USP28: variants seen among roughly 807,000 people sequenced by gnomAD.
The protein encoded by USP28 is ubiquitin carboxyl-terminal hydrolase 28.
Under a neutral mutation model 145.0 loss-of-function variants are expected in USP28, and 113 were observed. That is an observed-to-expected ratio of 0.78 (90% CI 0.67 to 0.91). The LOEUF is 0.91. Ranked by LOEUF, USP28 falls within the 40% of genes least tolerant of loss-of-function variation. The pLI is 0.00. For missense variants in USP28, 1,201 were observed against 1,289.6 expected (o/e 0.93, Z 1.05); for synonymous variants, 447 against 450.9 (o/e 0.99, Z 0.11).
At chr11:113,808,091 G>A (rs1940327662) in intron 18 of USP28, 1 of 1,456,162 alleles carries the variant, frequency 6.9e-7, no homozygotes, top group African/African-American at 1.4e-5. Flanking sequence ...TGCTCTGCAA[G>A]GTTTGTTTCC....
At chr11:113,847,317 T>C (rs1186113730) in intron 3 of USP28, among the ~76,000 whole-genome samples, 4 of 151,922 alleles carry the variant, frequency 2.6e-5, no homozygotes, top group African/African-American at 9.7e-5. Context: ...TCTACATTTA[T>C]AGGAAAGACA....
At chr11:113,837,386 G>A (rs1944689069) in intron 5 of USP28, among the ~76,000 whole-genome samples, 2 of 152,268 alleles carry the variant, frequency 1.3e-5, no homozygotes, top group South Asian at 4.2e-4. Flanking sequence ...CATCTCTAGT[G>A]ACACATTCCT....
At chr11:113,827,049 AG>A (rs1943454458) in intron 11 of USP28, among the ~76,000 whole-genome samples, 183 bp downstream of exon 11, 2 of 152,134 alleles carry the variant, frequency 1.3e-5, no homozygotes, top group Admixed American at 6.6e-5. Flanking sequence ...GGAGATCAGA[AG>A]CAACATGAGC....
chr11:113,875,422 C>T, intron 1 of USP28, 23 bp downstream of exon 1: 1 of 1,238,166 alleles, frequency 8.1e-7, no homozygotes, highest in South Asian at 2.4e-5. Context: ...CCCCCAGCTC[C>T]CGCTCGCCGC....
intron 1 of USP28, 78 bp downstream of exon 1, chr11:113,875,367 G>A (rs1949273565): frequency 4.5e-6 from 5 of 1,106,010 alleles, no homozygotes; most frequent in African/African-American, 3.4e-5. Context: ...CCCGCAACCC[G>A]CAGCCCTGCA....
intron 11 of USP28, among the ~76,000 whole-genome samples, chr11:113,825,560 G>C (rs1327207386): frequency 6.6e-6 from 1 of 152,214 alleles, no homozygotes; most frequent in African/African-American, 2.4e-5. Flanking sequence ...GTTCATGGCA[G>C]CTTCATTCAT....
chr11:113,805,922 C>T (rs1036445042), intron 19 of USP28, among the ~76,000 whole-genome samples: 7 of 152,116 alleles, frequency 4.6e-5, no homozygotes, highest in Non-Finnish European at 8.8e-5. Flanking sequence ...TTTCACTTCA[C>T]AGAAGACTTT....
intron 23 of USP28, among the ~76,000 whole-genome samples, chr11:113,802,417 G>C (rs1282067968): frequency 6.6e-6 from 1 of 152,232 alleles, no homozygotes; most frequent in Non-Finnish European, 1.5e-5. Context: ...ACAAGGTAAA[G>C]GCAGTGGTAG....
chr11:113,800,892 G>A (rs1365295586), intron 24 of USP28, among the ~76,000 whole-genome samples: 1 of 150,632 alleles, frequency 6.6e-6, no homozygotes, highest in South Asian at 2.1e-4. Flanking sequence ...GCCCAGGCTG[G>A]ATTGCACTGG....
At position 113,841,777 on chromosome 11, in the gene USP28, T is replaced by C. The variant is rs764480056; in HGVS notation, c.269-9A>G. ...AGTAAGGTCTATAACTTCTGTAAGA[T>C]AAACAGAAATTTAATTAGTCTATAT... is the stretch of plus-strand genomic sequence containing the variant. On this transcript the variant is annotated splice_polypyrimidine_tract_variant and intron_variant, in intron 3 of 24. Transcript: ENST00000003302. 2 of 1,586,428 alleles carry C rather than the reference T, an allele frequency of 1.3e-6. No homozygotes were observed. The highest frequency in any genetic ancestry group is 1.4e-5 in the African/African-American group (1 of 72,604).
chr11:113,814,093 A>T, intron 14 of USP28, 138 bp from the exon 15 acceptor site: 1 of 605,556 alleles, frequency 1.7e-6, no homozygotes, highest in South Asian at 2.3e-5. Flanking sequence ...AGCAATATAC[A>T]GTTTTAAAGC....
intron 1 of USP28, chr11:113,874,403 C>A (rs1348372436): frequency 7.1e-6 from 7 of 986,050 alleles, no homozygotes; most frequent in South Asian, 3.4e-5. Context: ...CCAGCCTAGG[C>A]AACAGAGGGA....
In USP28 at chr11:113,852,496, C is replaced by T; in HGVS notation, c.268+5G>A. The T allele has an allele frequency of 1.2e-6, 2 of 1,612,366 alleles. No individual in the cohort carries two copies. Among genetic ancestry groups the T allele is most frequent in the Non-Finnish European group, 1.7e-6 (2 of 1,179,988 alleles). On this transcript the variant is annotated splice_donor_5th_base_variant and intron_variant, in intron 3 of 24. Coordinates refer to ENST00000003302, the Ensembl canonical transcript of USP28. ...AAGGACCAAGACAGGATATATGGTACCTACTTGCTAATACTTCCTTGTTGG... is the reference window on the plus strand; with the variant it reads ...AAGGACCAAGACAGGATATATGGTATCTACTTGCTAATACTTCCTTGTTGG...
chr11:113,825,286 T>C (rs1943162852), intron 11 of USP28, among the ~76,000 whole-genome samples: 1 of 151,934 alleles, frequency 6.6e-6, no homozygotes, highest in South Asian at 2.1e-4. Context: ...GAAATATAAA[T>C]CAAAGGAAAA....
intron 12 of USP28, chr11:113,822,311 T>A (rs907605799): frequency 1.3e-5 from 2 of 152,292 alleles, no homozygotes; most frequent in Admixed American, 1.3e-4. Context: ...TAGCCGGGCA[T>A]GGTGGCACAT....
chr11:113,808,292 T>G lies in USP28; in HGVS notation c.2304+6A>C, dbSNP rs369551837. 1 of 1,609,258 alleles carries G rather than the reference T, an allele frequency of 6.2e-7. No individual in the cohort carries two copies. The highest frequency in any genetic ancestry group is 1.1e-5 in the South Asian group (1 of 91,018). On this transcript the variant is annotated splice_donor_region_variant and intron_variant, in intron 18 of 24. Transcript: ENST00000003302. ...TCCTGAACTTGGGCTTCCCAGTCAT[T>G]CTCACCTCACTCAGTGCCGCTTCTA...
intron 16 of USP28, among the ~76,000 whole-genome samples, chr11:113,809,920 A>G (rs556407425): frequency 8.6e-5 from 13 of 151,968 alleles, no homozygotes; most frequent in Non-Finnish European, 1.5e-4. Context: ...CTGTAATCCC[A>G]GCTACTTAGA....
intron 13 of USP28, among the ~76,000 whole-genome samples, chr11:113,816,998 A>G (rs918601027): frequency 6.6e-6 from 1 of 152,140 alleles, no homozygotes; most frequent in Non-Finnish European, 1.5e-5. Flanking sequence ...TGTTGGGGAG[A>G]ATAGTTAAGA....
At chr11:113,798,066 G>T (rs920711032) in exon 25 of USP28, 56 of 91,264 alleles carry the variant, frequency 6.1e-4, no homozygotes, top group African/African-American at 2.3e-3. Flanking sequence ...ATGTATGCTG[G>T]TTTTTTTTTT....
Sources: allele counts gnomAD v4.1 joint callset (sites outside exome capture counted in the v4.1 genomes callset), GRCh38; gene constraint gnomAD v4.1.1; transcripts MANE v1.5; gene names NCBI Gene and HGNC (gene_info 2026-07-23, HGNC 2026-07-21).